Variants in PRKCE observed in about 807,000 individuals in gnomAD.
The protein encoded by PRKCE is protein kinase C epsilon type.
A neutral mutation model predicts 85.4 loss-of-function variants in PRKCE; 16 were observed. That is an observed-to-expected ratio of 0.19 (90% CI 0.13 to 0.28). The LOEUF (loss-of-function observed/expected upper bound fraction) is 0.28. Ranked by LOEUF, PRKCE falls within the 10% of genes least tolerant of loss-of-function variation. The probability of loss-of-function intolerance (pLI) is 1.00; values close to 1 mark genes in which losing one functional copy is unlikely to be tolerated. For synonymous variants in PRKCE, 388 were observed against 371.5 expected, an observed-to-expected ratio of 1.04 and a Z score of -0.51; for missense variants, 573 against 975.2, an observed-to-expected ratio of 0.59 and a Z score of 5.49.
chr2:45,767,633 C>T (rs1383849547), intron 1 of PRKCE, among the ~76,000 whole-genome samples: 1 of 152,188 alleles, frequency 6.6e-6, no homozygotes, highest in Non-Finnish European at 1.5e-5. Context: ...CAATTATTGC[C>T]TTGAAGTTTT....
intron 1 of PRKCE, among the ~76,000 whole-genome samples, chr2:45,691,940 C>G (rs141493245): frequency 6.6e-5 from 10 of 152,322 alleles, no homozygotes; most frequent in African/African-American, 1.2e-4. Flanking sequence ...ACACACCGCT[C>G]TGAGGTTCTA....
At chr2:45,964,835 G>T (rs1427102588) in intron 2 of PRKCE, among the ~76,000 whole-genome samples, 1 of 152,150 alleles carries the variant, frequency 6.6e-6, no homozygotes, top group Admixed American at 6.5e-5. Flanking sequence ...TAATGCTGCT[G>T]TGCCTACCGT....
At chr2:46,183,439 G>C (rs773507935) in intron 14 of PRKCE, among the ~76,000 whole-genome samples, 1 of 152,194 alleles carries the variant, frequency 6.6e-6, no homozygotes, top group Non-Finnish European at 1.5e-5. Flanking sequence ...CTTTCCACAA[G>C]ATTTATTCCA....
chr2:45,960,696 G>A lies in PRKCE; in HGVS notation c.413-15733G>A, dbSNP rs146776445. ...GTACTGTGGTCCCCTGGGGATTGGG[G>A]GCCCCTGCTGTAAATGGTGCCTATT... On this transcript the variant is annotated intron_variant, in intron 2 of 14. Transcript: ENST00000306156. Among the ~76,000 whole-genome samples, 738 of 152,274 alleles carry A rather than the reference G, an allele frequency of 4.8e-3. 11 individuals carry two copies. The highest frequency in any genetic ancestry group is 0.016 in the African/African-American group (684 of 41,542).
intron 1 of PRKCE, among the ~76,000 whole-genome samples, chr2:45,670,077 A>G (rs1020066444): frequency 6.6e-6 from 1 of 152,204 alleles, no homozygotes; most frequent in African/African-American, 2.4e-5. Context: ...TCAGTCATAC[A>G]TAGATGTGTG....
At chr2:45,711,776 G>A (rs1490028582) in intron 1 of PRKCE, among the ~76,000 whole-genome samples, 1 of 151,976 alleles carries the variant, frequency 6.6e-6, no homozygotes, top group Non-Finnish European at 1.5e-5. Context: ...AGTCATGCGC[G>A]ACCATGCCCA....
At chr2:45,686,960 A>G (rs1251186005) in intron 1 of PRKCE, among the ~76,000 whole-genome samples, 2 of 152,198 alleles carry the variant, frequency 1.3e-5, no homozygotes, top group African/African-American at 4.8e-5. Context: ...TTCTGCCAAC[A>G]TAAATGCCAG....
At position 45,908,093 on chromosome 2, in the gene PRKCE, C is replaced by T. The variant is rs117586235; in HGVS notation, c.412+65030C>T. 9.7e-4 allele frequency among the ~76,000 whole-genome samples: 147 copies of T among 152,208 alleles called. 2 individuals are homozygous for T. In the East Asian group the frequency reaches 0.023, roughly 24 times the overall value. On this transcript the variant is annotated intron_variant, in intron 2 of 14. Coordinates refer to ENST00000306156, the MANE Select transcript of PRKCE (RefSeq NM_005400.3). ...TTAATGGATGGGCAGGAATGGAAGT[C>T]AAGACTCCAGGCCCTTGATCATACC...
At chr2:45,918,792 G>A (rs978542341) in intron 2 of PRKCE, among the ~76,000 whole-genome samples, 1 of 152,184 alleles carries the variant, frequency 6.6e-6, no homozygotes, top group South Asian at 2.1e-4. Context: ...GGAAGGGAGG[G>A]GAGAAGTGCA....
intron 14 of PRKCE, among the ~76,000 whole-genome samples, chr2:46,180,150 A>T (rs766297004): frequency 2.6e-5 from 4 of 152,218 alleles, no homozygotes; most frequent in Non-Finnish European, 5.9e-5. Flanking sequence ...GGCACCCACA[A>T]GAAGCTTTGC....
chr2:45,889,571 G>A (rs1386561063), intron 2 of PRKCE, among the ~76,000 whole-genome samples: 2 of 150,970 alleles, frequency 1.3e-5, no homozygotes, highest in East Asian at 1.9e-4. Context: ...TGTTGGTGGG[G>A]TGGGGTGGGG....
intron 1 of PRKCE, among the ~76,000 whole-genome samples, chr2:45,792,952 C>T (rs1687147808): frequency 6.6e-6 from 1 of 152,196 alleles, no homozygotes; most frequent in African/African-American, 2.4e-5. Context: ...GCACCCGCCA[C>T]CACTTCTGGC....
At chr2:45,802,071 A>C (rs1441447930) in intron 1 of PRKCE, among the ~76,000 whole-genome samples, 1 of 150,044 alleles carries the variant, frequency 6.7e-6, no homozygotes, top group Admixed American at 6.6e-5. Context: ...GCAACATAAC[A>C]AGACCCTATC....
chr2:45,882,612 T>C (rs1427011482), intron 2 of PRKCE, among the ~76,000 whole-genome samples: 2 of 152,238 alleles, frequency 1.3e-5, no homozygotes, highest in Non-Finnish European at 2.9e-5. Context: ...TTTATGGTGA[T>C]ATTTGAGTGT....
rs187038127 is a variant in PRKCE, at chr2:45,862,668, G to A, written c.412+19605G>A. Among the ~76,000 whole-genome samples, 721 of 152,254 alleles carry A rather than the reference G, an allele frequency of 4.7e-3. 8 individuals are homozygous for A. The highest frequency in any genetic ancestry group is 0.016 in the African/African-American group (672 of 41,556). ...TGCCAAGTTACCCTACAGATCACGG[G>A]AACCAGGTCACAATGCGCAGGGCTT... On this transcript the variant is annotated intron_variant, in intron 2 of 14. Coordinates refer to ENST00000306156, the MANE Select transcript of PRKCE (RefSeq NM_005400.3).
At chr2:45,741,812 T>C (rs1182931138) in intron 1 of PRKCE, among the ~76,000 whole-genome samples, 2 of 152,198 alleles carry the variant, frequency 1.3e-5, no homozygotes, top group Non-Finnish European at 2.9e-5. Flanking sequence ...TCAACAGGTC[T>C]TCTCTGTTCC....
chr2:45,983,852 A>T (rs1703092756), intron 5 of PRKCE, among the ~76,000 whole-genome samples: 1 of 152,078 alleles, frequency 6.6e-6, no homozygotes, highest in Admixed American at 6.5e-5. Context: ...ACGCTGCTGC[A>T]CAGAATCCCG....
chr2:45,816,686 T>C (rs541374048), intron 1 of PRKCE, among the ~76,000 whole-genome samples: 1 of 152,318 alleles, frequency 6.6e-6, no homozygotes, highest in Non-Finnish European at 1.5e-5. Flanking sequence ...TTGCACAGCC[T>C]ATTCCTGTAC....
chr2:45,915,956 C>A (rs989172562), intron 2 of PRKCE, among the ~76,000 whole-genome samples: 1 of 152,074 alleles, frequency 6.6e-6, no homozygotes, highest in African/African-American at 2.4e-5. Context: ...CATCTACATC[C>A]CCTCAACACA....
Sources: gnomAD v4.1 joint callset for allele counts (sites outside exome capture counted in the v4.1 genomes callset) on GRCh38, gnomAD v4.1.1 for gene constraint, MANE v1.5 for transcripts, NCBI Gene and HGNC (gene_info 2026-07-23, HGNC 2026-07-21) for gene names.